Variants in DOCK4 observed in about 807,000 individuals in gnomAD.
DOCK4 encodes the protein dedicator of cytokinesis protein 4.
In DOCK4, 97 loss-of-function variants were observed where a neutral mutation model predicts 268.1. The ratio of observed to expected loss-of-function variants is 0.36; its 90% confidence interval spans 0.31 to 0.43. The LOEUF (loss-of-function observed/expected upper bound fraction) is 0.43, where lower values mean the gene tolerates loss of function less well. Ranked by LOEUF, DOCK4 falls within the 20% of genes least tolerant of loss-of-function variation. The pLI is 1.00. For synonymous variants in DOCK4, 954 were observed against 887.2 expected (o/e 1.08, Z -1.34); for missense variants, 2,145 against 2,455.7 (o/e 0.87, Z 2.67).
intron 1 of DOCK4, 68 bp from the exon 2 acceptor site, chr7:112,004,199 G>C: frequency 8.2e-7 from 1 of 1,224,384 alleles, no homozygotes; most frequent in Non-Finnish European, 1.2e-6. Flanking sequence ...ACATGTTATT[G>C]ACTAGGAAAA....
intron 52 of DOCK4, among the ~76,000 whole-genome samples, chr7:111,731,820 A>C (rs1585807614): frequency 6.6e-6 from 1 of 152,100 alleles, no homozygotes; most frequent in East Asian, 1.9e-4. Flanking sequence ...AAAGACACAG[A>C]ATATTTAGTA....
intron 1 of DOCK4, among the ~76,000 whole-genome samples, chr7:112,051,952 G>A (rs901643490): frequency 3.3e-5 from 5 of 151,718 alleles, no homozygotes; most frequent in East Asian, 1.9e-4. Flanking sequence ...GTCATCCCTC[G>A]GTATCTGTGG....
intron 1 of DOCK4, among the ~76,000 whole-genome samples, chr7:112,116,891 C>CAGT (rs1812227039): frequency 6.6e-6 from 1 of 152,140 alleles, no homozygotes; most frequent in South Asian, 2.1e-4. Context: ...TGTACCCGGC[C>CAGT]AGTACAGTCA....
chr7:111,769,710 C>T, intron 36 of DOCK4, 33 bp from the exon 37 acceptor site: 21 of 1,597,432 alleles, frequency 1.3e-5, no homozygotes, highest in Non-Finnish European at 1.8e-5. Context: ...ATGATTGAGA[C>T]AGGACCCCAA....
In DOCK4 at chr7:112,170,391, G is replaced by T. The variant is rs112979718; in HGVS notation, c.37+35711C>A. Among the ~76,000 whole-genome samples, 7 of 152,020 alleles carry T rather than the reference G, an allele frequency of 4.6e-5. No homozygotes were observed. The South Asian group carries it at 1.5e-3, about 32-fold the overall frequency. On this transcript the variant is annotated intron_variant, in intron 1 of 52. Coordinates refer to ENST00000428084, the MANE Select transcript of DOCK4 (RefSeq NM_001363540.2). ...TGGAAGGATCACTTGAGATCAGGAG[G>T]GTGAGGCTGCAGTGAGCTATGATCA...
chr7:112,133,041 T>G (rs1813948425), intron 1 of DOCK4, among the ~76,000 whole-genome samples: 1 of 152,288 alleles, frequency 6.6e-6, no homozygotes, highest in Middle Eastern at 3.4e-3. Flanking sequence ...TGCCTCTAAA[T>G]TCCACAAGAA....
chr7:111,926,541 AAGAG>A (rs769439011), intron 12 of DOCK4, among the ~76,000 whole-genome samples: 3 of 148,724 alleles, frequency 2.0e-5, no homozygotes, highest in Non-Finnish European at 4.4e-5. Context: ...GAGAAAGAGA[AAGAG>A]AAAGAAAGGA....
At chr7:112,100,912 C>T (rs1810620833) in intron 1 of DOCK4, among the ~76,000 whole-genome samples, 1 of 152,116 alleles carries the variant, frequency 6.6e-6, no homozygotes, top group Non-Finnish European at 1.5e-5. Flanking sequence ...ATAAGCTCCA[C>T]CCTTAAAGAA....
intron 30 of DOCK4, among the ~76,000 whole-genome samples, chr7:111,800,979 C>T (rs1011021188): frequency 3.3e-5 from 5 of 152,120 alleles, no homozygotes; most frequent in Non-Finnish European, 7.3e-5. Context: ...AAAAAGCAAC[C>T]GCCCGAAACA....
intron 34 of DOCK4, among the ~76,000 whole-genome samples, chr7:111,783,603 AG>A (rs1371036725): frequency 6.6e-6 from 1 of 151,946 alleles, no homozygotes; most frequent in Non-Finnish European, 1.5e-5. Context: ...AGGGACTCCG[AG>A]AATCCTCTCA....
intron 16 of DOCK4, among the ~76,000 whole-genome samples, chr7:111,893,287 G>T (rs1028803906): frequency 6.6e-6 from 1 of 152,118 alleles, no homozygotes; most frequent in Non-Finnish European, 1.5e-5. Context: ...TTTCTAATCA[G>T]CAACTGAGAA....
rs1798294930 is a variant in DOCK4 at position 111,774,087 on chromosome 7, T to C, written c.3679+4189A>G. On this transcript the variant is annotated intron_variant, in intron 36 of 52. Transcript: ENST00000428084. ...GGACTCCTTAACTGAAGATTATCCA[T>C]ATATACATGCATGCATGTACATACA... Among the ~76,000 whole-genome samples the C allele has an allele frequency of 3.3e-5, 5 of 152,256 alleles. No homozygotes were observed. The South Asian group carries it at 1.0e-3, about 32-fold the overall frequency.
At chr7:111,969,859 T>G (rs1797566095) in intron 8 of DOCK4, among the ~76,000 whole-genome samples, 1 of 152,208 alleles carries the variant, frequency 6.6e-6, no homozygotes, top group African/African-American at 2.4e-5. Flanking sequence ...GGAGACACAG[T>G]AGCAAATAAT....
At chr7:111,826,453 T>C (rs1043362057) in intron 26 of DOCK4, among the ~76,000 whole-genome samples, 1 of 152,152 alleles carries the variant, frequency 6.6e-6, no homozygotes, top group South Asian at 2.1e-4. Flanking sequence ...ATAAAAATTG[T>C]TTTGTGCTTA....
chr7:112,038,903 C>G (rs1050089183), intron 1 of DOCK4, among the ~76,000 whole-genome samples: 2 of 152,120 alleles, frequency 1.3e-5, no homozygotes, highest in African/African-American at 4.8e-5. Context: ...CATATTAGAC[C>G]AATGTCGCTA....
chr7:111,970,375 G>T (rs2135058840), intron 8 of DOCK4, among the ~76,000 whole-genome samples: 1 of 152,170 alleles, frequency 6.6e-6, no homozygotes. Context: ...TAAAAATGTG[G>T]ATATTAGTAG....
chr7:112,033,768 C>A (rs1476819780), intron 1 of DOCK4, among the ~76,000 whole-genome samples: 2 of 152,126 alleles, frequency 1.3e-5, no homozygotes, highest in East Asian at 3.8e-4. Flanking sequence ...GAAATCTGAG[C>A]CACTACATTC....
chr7:112,136,050 G>A (rs1814312595), intron 1 of DOCK4, among the ~76,000 whole-genome samples: 6 of 152,048 alleles, frequency 3.9e-5, no homozygotes, highest in Admixed American at 3.9e-4. Context: ...GGGTTGAAAG[G>A]GGAATTATTT....
At chr7:112,008,902 A>G (rs1032529423) in intron 1 of DOCK4, among the ~76,000 whole-genome samples, 17 of 152,328 alleles carry the variant, frequency 1.1e-4, no homozygotes, top group African/African-American at 3.8e-4. Flanking sequence ...GCTGAGCAGG[A>G]GAATCGCTTG....
Sources: gnomAD v4.1 joint callset for allele counts (sites outside exome capture counted in the v4.1 genomes callset) on GRCh38, gnomAD v4.1.1 for gene constraint, MANE v1.5 for transcripts, NCBI Gene and HGNC (gene_info 2026-07-23, HGNC 2026-07-21) for gene names.